ERAS: variants seen among roughly 807,000 people sequenced by gnomAD.
The protein encoded by ERAS is GTPase ERas.
For synonymous variants in ERAS, 87 were observed against 89.1 expected (o/e 0.98, Z 0.13); for missense variants, 137 against 199.2 (o/e 0.69, Z 1.88).
rs781925522 is a variant in ERAS, at chrX:48,829,563, T to C, written c.440T>C (p.Val147Ala). 8.3e-7 allele frequency: 1 copy of C among 1,210,329 alleles called. No individual in the cohort carries two copies. Among genetic ancestry groups the C allele is most frequent in the African/African-American group, 1.7e-5 (1 of 57,745 alleles). ...GGCCCTCACCCCGCCCAGCCCCTTG[T>C]CCTCGTGGGCAACAAGTGTGACCTT... ...TWGPHPAQPL[V>A]LVGNKCDLVT... Residue 147 changes from valine to alanine, a missense_variant, in exon 2 of 2, where the codon GTC (valine) becomes GCC (alanine). By Grantham distance (64) the Val-to-Ala change is moderately conservative. Coordinates refer to ENST00000636362, the MANE Select transcript of ERAS (RefSeq NM_181532.3).
intron 1 of ERAS, among the ~76,000 whole-genome samples, chrX:48,828,506 C>T (rs1407782364): frequency 8.9e-6 from 1 of 112,104 alleles, no homozygotes; most frequent in Non-Finnish European, 1.9e-5. Context: ...TAACAGACCA[C>T]GTGATTTACA....
intron 1 of ERAS, among the ~76,000 whole-genome samples, chrX:48,827,198 G>A (rs1172686453): frequency 1.5e-3 from 1 of 655 alleles, no homozygotes; most frequent in African/African-American, 7.2e-3. Flanking sequence ...CACTCGGCCA[G>A]GCCCCGGGCT....
intron 1 of ERAS, 23 bp from the exon 2 acceptor site, chrX:48,829,058 G>A: frequency 1.0e-6 from 1 of 983,896 alleles, no homozygotes; most frequent in Non-Finnish European, 1.3e-6. Flanking sequence ...CTGTTGTCTT[G>A]CTTCTTCTCT....
At chrX:48,827,695 G>A (rs2063162963) in intron 1 of ERAS, among the ~76,000 whole-genome samples, 1 of 111,904 alleles carries the variant, frequency 8.9e-6, no homozygotes. Context: ...GGCACTTCCT[G>A]AGCCCAAGGA....
rs782521876 is a variant in ERAS at position 48,829,217 on chromosome X, C to T, written c.94C>T (p.Arg32Cys). ...QGETHRAQAR[R>C]RDVGRQLPEY... is the part of the protein sequence containing the mutation. ...GGAAACCCACCGGGCTCAGGCACGC[C>T]GCAGGGATGTTGGCAGGCAGCTGCC... The change falls in exon 2 of 2, where the codon CGC becomes TGC. Residue 32 changes from arginine (R) to cysteine (C), a missense_variant. Arg to Cys is a radical substitution (Grantham distance 180). Transcript: ENST00000636362. 18 of 1,189,241 alleles carry T rather than the reference C, an allele frequency of 1.5e-5. No homozygotes were observed. The East Asian group carries it at 1.8e-4, about 12-fold the overall frequency.
Position 48,829,484 on chromosome X carries a change from G to A in ERAS, c.361G>A (p.Ala121Thr), listed in dbSNP as rs1557033015. ...AVCDGVLGVF[A>T]LDDPSSLIQL... ...CTGTGATGGTGTGCTGGGCGTCTTC[G>A]CTCTCGATGACCCCTCGTCTCTGAT... Residue 121 changes from alanine (A) to threonine (T), a missense_variant, in exon 2 of 2, where the codon GCT (alanine) becomes ACT (threonine). Ala to Thr is a moderately conservative substitution (Grantham distance 58, BLOSUM62 0). Transcript: ENST00000636362. 1 of 1,211,910 alleles carries A rather than the reference G, an allele frequency of 8.3e-7. No homozygotes were observed. Among genetic ancestry groups the A allele is most frequent in the Non-Finnish European group, 1.1e-6 (1 of 895,450 alleles).
In ERAS at chrX:48,829,833, G is replaced by A; in HGVS notation, c.*8G>A. The A allele has an allele frequency of 1.8e-6, 2 of 1,121,273 alleles. No individual in the cohort carries two copies. The highest frequency in any genetic ancestry group is 2.4e-6 in the Non-Finnish European group (2 of 848,764). 92.4% of individuals were successfully genotyped at this position (1,121,273 alleles called of 1,213,427 possible). A position where few individuals can be genotyped will look rare whatever the true frequency, so the allele number is the denominator to read the frequency against. On this transcript the variant is annotated 3_prime_UTR_variant, in exon 2 of 2. Transcript: ENST00000636362. The stretch of plus-strand genomic sequence containing the variant: ...GGCTGCTCTGTGGCCTGAAGGTCTT[G>A]GCCAAGAAATGTAGACCTTTCCCCA...
At chrX:48,827,573 T>G (rs1292273201) in intron 1 of ERAS, among the ~76,000 whole-genome samples, 1 of 111,555 alleles carries the variant, frequency 9.0e-6, no homozygotes, top group Non-Finnish European at 1.9e-5. Flanking sequence ...GACTCCGACC[T>G]CCGGATCTCC....
intron 1 of ERAS, among the ~76,000 whole-genome samples, chrX:48,827,199 G>T (rs187195712): frequency 0.3 from 338 of 1,120 alleles, 1 homozygote; most frequent in Middle Eastern, 0.67. Flanking sequence ...ACTCGGCCAG[G>T]CCCCGGGCTT....
Position 48,829,099 on chromosome X carries a change from C to G in ERAS, c.-25C>G. 9.2e-7 allele frequency: 1 copy of G among 1,087,230 alleles called. No individual in the cohort carries two copies. The highest frequency in any genetic ancestry group is 1.2e-6 in the Non-Finnish European group (1 of 833,751). The allele number at this position is 1,087,230 out of a possible 1,213,427, so 89.6% of individuals were successfully genotyped here. ...CTTGCAGAGCCTGCTGCCCACGTCTCTTCCCTGAGCTGCCTGCTGGGGTCA... is the reference window on the plus strand; with the variant it reads ...CTTGCAGAGCCTGCTGCCCACGTCTGTTCCCTGAGCTGCCTGCTGGGGTCA... On this transcript the variant is annotated 5_prime_UTR_variant, in exon 2 of 2. Transcript: ENST00000636362.
Position 48,829,618 on chromosome X carries a change from T to C in ERAS, c.495T>C (p.Ala165=). The C allele has an allele frequency of 2.6e-5, 31 of 1,209,914 alleles. No homozygotes were observed. The highest frequency in any genetic ancestry group is 3.5e-5 in the Non-Finnish European group (31 of 894,053). The part of the protein sequence containing the change: ...LVTTAGDAHA[A]AAALAHSWGA... ...CCACTGCTGGAGATGCTCATGCCGC[T>C]GCTGCAGCCCTCGCACACAGCTGGG... The change falls in exon 2 of 2, where the codon GCT becomes GCC. Residue 165 remains alanine, a synonymous_variant. Coordinates refer to ENST00000636362, the MANE Select transcript of ERAS (RefSeq NM_181532.3).
At chrX:48,827,489 C>T (rs916602138) in intron 1 of ERAS, among the ~76,000 whole-genome samples, 17 of 111,692 alleles carry the variant, frequency 1.5e-4, no homozygotes, top group Non-Finnish European at 2.6e-4. Flanking sequence ...GGGCCAACGC[C>T]GCCAGTGACT....
In ERAS at chrX:48,829,218, G is replaced by A. The variant is rs782770684; in HGVS notation, c.95G>A (p.Arg32His). The change falls in exon 2 of 2, where the codon CGC (arginine) becomes CAC (histidine). Residue 32 changes from arginine to histidine, a missense_variant. By Grantham distance (29) the Arg-to-His change is conservative. Transcript: ENST00000636362. ...QGETHRAQAR[R>H]RDVGRQLPEY... ...GAAACCCACCGGGCTCAGGCACGCC[G>A]CAGGGATGTTGGCAGGCAGCTGCCT... 3.4e-5 allele frequency: 40 copies of A among 1,189,781 alleles called. No individual in the cohort carries two copies. Among genetic ancestry groups the A allele is most frequent in the East Asian group, 2.1e-4 (7 of 33,498 alleles).
At chrX:48,828,371 T>C (rs1255297962) in intron 1 of ERAS, among the ~76,000 whole-genome samples, 1 of 111,932 alleles carries the variant, frequency 8.9e-6, no homozygotes, top group Non-Finnish European at 1.9e-5. Flanking sequence ...GACCAGAATA[T>C]AACCTTCATG....
rs151314036 is a variant in ERAS at position 48,829,549 on chromosome X, C to A, written c.426C>A (p.Pro142=). ...QQIWATWGPH[P]AQPLVLVGNK... ...TATGGGCCACCTGGGGCCCTCACCC[C>A]GCCCAGCCCCTTGTCCTCGTGGGCA... The change falls in exon 2 of 2, where the codon CCC becomes CCA. Residue 142 remains proline, a synonymous_variant. Coordinates refer to ENST00000636362, the MANE Select transcript of ERAS (RefSeq NM_181532.3). 5.0e-6 allele frequency: 6 copies of A among 1,211,749 alleles called. No individual in the cohort carries two copies. The highest frequency in any genetic ancestry group is 6.7e-6 in the Non-Finnish European group (6 of 895,239).
chrX:48,827,875 G>C (rs1168463753), intron 1 of ERAS, among the ~76,000 whole-genome samples: 1 of 111,552 alleles, frequency 9.0e-6, no homozygotes, highest in Non-Finnish European at 1.9e-5. Flanking sequence ...AGGGACTGGG[G>C]TCTGTTTTGT....
chrX:48,829,478 G>A lies in ERAS; in HGVS notation c.355G>A (p.Val119Ile), dbSNP rs1432692641. Reference protein sequence around the residue: ...CLAVCDGVLGVFALDDPSSLI... With the variant: ...CLAVCDGVLGIFALDDPSSLI... Reference sequence around the variant, plus strand: ...GGCTGTCTGTGATGGTGTGCTGGGCGTCTTCGCTCTCGATGACCCCTCGTC... The same window carrying A: ...GGCTGTCTGTGATGGTGTGCTGGGCATCTTCGCTCTCGATGACCCCTCGTC... The change falls in exon 2 of 2, where the codon GTC becomes ATC. Residue 119 changes from valine (V) to isoleucine (I), a missense_variant. Transcript: ENST00000636362. 9.9e-6 allele frequency: 12 copies of A among 1,211,914 alleles called. No homozygotes were observed. The highest frequency in any genetic ancestry group is 3.0e-5 in the East Asian group (1 of 33,853).
At chrX:48,827,822 T>G (rs782360355) in intron 1 of ERAS, among the ~76,000 whole-genome samples, 1 of 111,419 alleles carries the variant, frequency 9.0e-6, no homozygotes, top group Admixed American at 9.6e-5. Context: ...CTTATCTTGT[T>G]ACTGTCTCTT....
At chrX:48,827,783 T>C (rs2063163110) in intron 1 of ERAS, among the ~76,000 whole-genome samples, 1 of 111,397 alleles carries the variant, frequency 9.0e-6, no homozygotes, top group Non-Finnish European at 1.9e-5. Context: ...CGTGTGCCCA[T>C]CCTCTTCGAA....
Sources: allele counts gnomAD v4.1 joint callset (sites outside exome capture counted in the v4.1 genomes callset), GRCh38; gene constraint gnomAD v4.1.1; transcripts MANE v1.5; gene names NCBI Gene and HGNC (gene_info 2026-07-23, HGNC 2026-07-21).